Variants in MYO16 observed in about 807,000 individuals in gnomAD.
The protein encoded by MYO16 is myosin XVI.
In MYO16, 94 loss-of-function variants were observed where a neutral mutation model predicts 205.3. The ratio of observed to expected loss-of-function variants is 0.46; its 90% CI spans 0.39 to 0.54. MYO16 has a LOEUF of 0.54. MYO16 is among the 20% of genes least tolerant of loss of function. The probability of loss-of-function intolerance (pLI) is 0.00; values close to 1 mark genes in which losing one functional copy is unlikely to be tolerated. For synonymous variants in MYO16, 988 were observed against 954.0 expected, an observed-to-expected ratio of 1.04 and a Z score of -0.66; for missense variants, 2,315 against 2,387.5, an observed-to-expected ratio of 0.97 and a Z score of 0.63.
the MYO16 span, among the ~76,000 whole-genome samples, chr13:108,506,755 T>C: frequency 1.3e-5 from 2 of 152,206 alleles, no homozygotes; most frequent in Non-Finnish European, 2.9e-5. Context: ...TCTTGCCTTG[T>C]TCCTGATCTC....
intron 16 of MYO16, among the ~76,000 whole-genome samples, chr13:108,925,424 T>C (rs1016482627): frequency 9.2e-5 from 14 of 152,202 alleles, no homozygotes; most frequent in African/African-American, 3.4e-4. Flanking sequence ...TGGTCTTAAA[T>C]TATTGACGGT....
chr13:108,638,612 C>T (rs73604749), intron 1 of MYO16, among the ~76,000 whole-genome samples: 10,351 of 152,174 alleles, frequency 0.068, 566 homozygotes, highest in African/African-American at 0.15. Flanking sequence ...CCTTGTAACA[C>T]TGACTTGTTT....
intron 4 of MYO16, among the ~76,000 whole-genome samples, chr13:108,778,162 G>T (rs1886183460): frequency 6.6e-6 from 1 of 152,226 alleles, no homozygotes; most frequent in Non-Finnish European, 1.5e-5. Flanking sequence ...ACAGGGGGTA[G>T]TTACGGTGGG....
intron 4 of MYO16, among the ~76,000 whole-genome samples, chr13:108,752,946 T>G (rs534027770): frequency 6.6e-6 from 1 of 151,504 alleles, no homozygotes; most frequent in East Asian, 1.9e-4. Context: ...AAAATGATTA[T>G]GTAAAACACT....
the MYO16 span, among the ~76,000 whole-genome samples, chr13:108,509,248 T>G: frequency 8.6e-6 from 1 of 116,282 alleles, no homozygotes; most frequent in Non-Finnish European, 1.9e-5. Context: ...AAATATCAAC[T>G]TGCACAGTAT....
At chr13:108,865,758 A>T (rs1878681448) in intron 11 of MYO16, among the ~76,000 whole-genome samples, 1 of 151,946 alleles carries the variant, frequency 6.6e-6, no homozygotes, top group South Asian at 2.1e-4. Context: ...TTATTTGATT[A>T]TTGTGCTTTA....
chr13:109,204,296 C>T lies in MYO16; in HGVS notation c.5416-2313C>T, dbSNP rs114387983. 2.4e-3 allele frequency among the ~76,000 whole-genome samples: 370 copies of T among 152,246 alleles called. 4 individuals carry two copies. The highest frequency in any genetic ancestry group is 8.7e-3 in the African/African-American group (360 of 41,544). On this transcript the variant is annotated intron_variant, in intron 34 of 34. Coordinates refer to ENST00000457511, the MANE Select transcript of MYO16 (RefSeq NM_001198950.3). ...GGAAAATAATCAGTTGACATGGTAG[C>T]GATATTCTTCCATCAGTTAAATGTT...
At chr13:108,822,120 A>T (rs1876007591) in intron 8 of MYO16, among the ~76,000 whole-genome samples, 1 of 152,180 alleles carries the variant, frequency 6.6e-6, no homozygotes, top group Admixed American at 6.5e-5. Flanking sequence ...GAAAGTCGTC[A>T]TCAGTACTAT....
Position 109,162,305 on chromosome 13 carries a change from G to A in MYO16, c.5165-2596G>A, listed in dbSNP as rs1878426347. Among the ~76,000 whole-genome samples, 1 of 152,192 alleles carries A rather than the reference G, an allele frequency of 6.6e-6. No homozygotes were observed. The highest frequency in any genetic ancestry group is 1.5e-5 in the Non-Finnish European group (1 of 68,036). ...TAGAGGATTCGTTTATTGCCACCAG[G>A]TGTAAGAGGACTGTGCTCATTCAAA... On this transcript the variant is annotated intron_variant, in intron 32 of 34. Transcript: ENST00000457511. This position sits in a 1 kb window ranked among gnomAD's most constrained non-coding sequence, Gnocchi z 4.6.
At chr13:108,695,098 G>T (rs1267199665) in intron 2 of MYO16, among the ~76,000 whole-genome samples, 3 of 152,192 alleles carry the variant, frequency 2.0e-5, no homozygotes, top group Non-Finnish European at 4.4e-5. Context: ...GGCAACAAGA[G>T]TGAAACTCCG....
rs910646066 is a variant in MYO16 at position 109,141,791 on chromosome 13, C to A, written c.5164+415C>A. On this transcript the variant is annotated intron_variant, in intron 32 of 34. Coordinates refer to ENST00000457511, the MANE Select transcript of MYO16 (RefSeq NM_001198950.3). The surrounding 1 kb of genome is among the most constrained non-coding windows in gnomAD (Gnocchi z 4.1). ...TTTGATGTACAGTTCACAGCTAATC[C>A]CCGAGCGTGCGGTTTGCCATCCATC... Among the ~76,000 whole-genome samples the A allele has an allele frequency of 2.0e-5, 3 of 152,040 alleles. No homozygotes were observed. The highest frequency in any genetic ancestry group is 2.9e-5 in the Non-Finnish European group (2 of 68,020).
intron 14 of MYO16, among the ~76,000 whole-genome samples, chr13:108,888,996 G>A (rs959405026): frequency 4.0e-5 from 6 of 151,880 alleles, no homozygotes; most frequent in Middle Eastern, 3.2e-3. Flanking sequence ...CAGAGGTTGC[G>A]GTGAGCTGAG....
chr13:108,564,897 T>C, the MYO16 span, among the ~76,000 whole-genome samples: 1 of 152,194 alleles, frequency 6.6e-6, no homozygotes, highest in South Asian at 2.1e-4. Context: ...AGCACCACTT[T>C]TGAAGAGACT....
chr13:108,812,733 C>T (rs1279077710), intron 7 of MYO16, among the ~76,000 whole-genome samples: 1 of 151,994 alleles, frequency 6.6e-6, no homozygotes, highest in Non-Finnish European at 1.5e-5. Flanking sequence ...GACGTGAGGC[C>T]TAATGAGGGG....
At chr13:108,909,008 A>G (rs1881134443) in intron 15 of MYO16, among the ~76,000 whole-genome samples, 2 of 148,278 alleles carry the variant, frequency 1.3e-5, no homozygotes, top group South Asian at 4.2e-4. Context: ...ATAAATAAAT[A>G]AATAAAAATA....
chr13:108,759,116 T>C (rs1298738561), intron 4 of MYO16, among the ~76,000 whole-genome samples: 1 of 152,192 alleles, frequency 6.6e-6, no homozygotes. Context: ...AAAATCACTC[T>C]TTGACAAAGA....
chr13:109,020,490 G>A (rs765361076), intron 23 of MYO16, among the ~76,000 whole-genome samples: 44 of 151,984 alleles, frequency 2.9e-4, no homozygotes, highest in Non-Finnish European at 4.9e-4. Context: ...ATCTTAACCT[G>A]CCAGAACTCC....
At chr13:109,202,143 C>T (rs753035576) in intron 34 of MYO16, among the ~76,000 whole-genome samples, 43 of 151,968 alleles carry the variant, frequency 2.8e-4, no homozygotes, top group Non-Finnish European at 5.0e-4. Context: ...TTTGCAATTG[C>T]GAATTGTGCT....
intron 4 of MYO16, among the ~76,000 whole-genome samples, chr13:108,776,519 A>G (rs1886129605): frequency 6.6e-6 from 1 of 152,176 alleles, no homozygotes. Flanking sequence ...TATTTCCTAT[A>G]TTCCTTAATG....
Sources: gnomAD v4.1 joint callset for allele counts (sites outside exome capture counted in the v4.1 genomes callset) on GRCh38, gnomAD v4.1.1 for gene constraint, Gnocchi (gnomAD v3.1) non-coding constraint, MANE v1.5 for transcripts, NCBI Gene and HGNC (gene_info 2026-07-23, HGNC 2026-07-21) for gene names.